Variants in CCSER1 observed in about 807,000 individuals in gnomAD.
CCSER1 encodes the protein coiled-coil serine rich protein 1.
A neutral mutation model predicts 82.0 loss-of-function variants in CCSER1; 41 were observed. That is an observed-to-expected ratio of 0.50 (90% CI 0.39 to 0.65). The LOEUF is 0.65. Ranked by LOEUF, CCSER1 falls within the 30% of genes least tolerant of loss-of-function variation. The pLI, the probability that CCSER1 is intolerant of heterozygous loss-of-function variation, is 0.00. For synonymous variants in CCSER1, 414 were observed against 383.9 expected, an observed-to-expected ratio of 1.08 and a Z score of -0.92; for missense variants, 1,119 against 1,064.2, an observed-to-expected ratio of 1.05 and a Z score of -0.72.
chr4:90,412,169 A>G lies in CCSER1; in HGVS notation c.1603+12040A>G, dbSNP rs184271485. 3.3e-3 allele frequency among the ~76,000 whole-genome samples: 502 copies of G among 152,132 alleles called. 1 individual carries two copies. The highest frequency in any genetic ancestry group is 0.011 in the African/African-American group (473 of 41,504). ...ATGAGTTCATATCCTTTGTAGGGAC[A>G]TGGATGAAGCTGGAAACCATCATTC... On this transcript the variant is annotated intron_variant, in intron 4 of 10. Coordinates refer to ENST00000509176, the MANE Select transcript of CCSER1 (RefSeq NM_001145065.2).
intron 9 of CCSER1, among the ~76,000 whole-genome samples, chr4:91,012,476 A>G (rs1386529416): frequency 1.2e-5 from 1 of 83,734 alleles, no homozygotes; most frequent in Non-Finnish European, 3.1e-5. Context: ...TGCAATTTCA[A>G]CTCAGTCCTG....
intron 5 of CCSER1, among the ~76,000 whole-genome samples, chr4:90,561,698 A>G (rs1181023069): frequency 6.6e-6 from 1 of 152,206 alleles, no homozygotes; most frequent in Non-Finnish European, 1.5e-5. Flanking sequence ...TAGTGTAACC[A>G]TTAAAATAAG....
chr4:90,664,638 C>T (rs1191083711), intron 6 of CCSER1, among the ~76,000 whole-genome samples: 1 of 152,130 alleles, frequency 6.6e-6, no homozygotes, highest in African/African-American at 2.4e-5. Flanking sequence ...CGGTAGCTCA[C>T]GCCTGTAATC....
chr4:90,751,000 C>A (rs1481795106), intron 7 of CCSER1, among the ~76,000 whole-genome samples: 9 of 151,948 alleles, frequency 5.9e-5, no homozygotes, highest in Admixed American at 5.3e-4. Flanking sequence ...CTATATTATG[C>A]TGAAAATAAC....
intron 10 of CCSER1, among the ~76,000 whole-genome samples, chr4:91,493,329 T>G (rs1282442901): frequency 1.3e-5 from 2 of 151,878 alleles, no homozygotes; most frequent in African/African-American, 4.8e-5. Context: ...GGTAGATAAT[T>G]AAATCTAAAA....
intron 5 of CCSER1, among the ~76,000 whole-genome samples, chr4:90,607,595 G>A (rs1219806219): frequency 6.6e-6 from 1 of 152,068 alleles, no homozygotes; most frequent in Non-Finnish European, 1.5e-5. Context: ...CCTGTGTTTT[G>A]TGTTTATCCA....
chr4:90,682,117 C>A (rs1733993054), intron 6 of CCSER1, among the ~76,000 whole-genome samples: 1 of 151,656 alleles, frequency 6.6e-6, no homozygotes. Flanking sequence ...TAAATTATGT[C>A]TTTACTCTGA....
At chr4:91,280,443 G>A (rs1409444684) in intron 10 of CCSER1, among the ~76,000 whole-genome samples, 4 of 152,140 alleles carry the variant, frequency 2.6e-5, no homozygotes, top group African/African-American at 7.2e-5. Context: ...GCACATACAG[G>A]TGGGTGCCAG....
chr4:90,543,832 T>C (rs56013711), intron 5 of CCSER1, among the ~76,000 whole-genome samples: 24,257 of 152,068 alleles, frequency 0.16, 2,501 homozygotes, highest in East Asian at 0.43. Flanking sequence ...TAAATATTTT[T>C]GAAGACATGG....
In CCSER1 at chr4:90,789,649, A is replaced by G. The variant is rs963839132; in HGVS notation, c.2011-26113A>G. 2.0e-5 allele frequency among the ~76,000 whole-genome samples: 3 copies of G among 152,268 alleles called. No individual in the cohort carries two copies. The East Asian group carries it at 5.8e-4, about 29-fold the overall frequency. On this transcript the variant is annotated intron_variant, in intron 7 of 10. Coordinates refer to ENST00000509176, the MANE Select transcript of CCSER1 (RefSeq NM_001145065.2). ...CTGTGCTGTTCTTGTAATAGTGAAT[A>G]AGTCTCATGAAATCTGACAGTTTTA... is the stretch of plus-strand genomic sequence containing the variant.
At chr4:91,162,788 AT>A (rs1393078521) in intron 10 of CCSER1, among the ~76,000 whole-genome samples, 1 of 151,992 alleles carries the variant, frequency 6.6e-6, no homozygotes, top group Non-Finnish European at 1.5e-5. Flanking sequence ...CCCCTTTATC[AT>A]TTTTTATTGT....
intron 9 of CCSER1, among the ~76,000 whole-genome samples, chr4:90,985,015 T>C (rs1410068982): frequency 1.3e-5 from 2 of 151,744 alleles, no homozygotes; most frequent in Non-Finnish European, 2.9e-5. Flanking sequence ...GAAGGCAGAA[T>C]AATTGCCTGA....
chr4:90,577,392 T>C (rs964367338), intron 5 of CCSER1, among the ~76,000 whole-genome samples: 2 of 152,128 alleles, frequency 1.3e-5, no homozygotes, highest in Non-Finnish European at 2.9e-5. Context: ...ACTGATTACC[T>C]AAGAATTTGT....
chr4:91,193,217 T>C (rs1735146934), intron 10 of CCSER1, among the ~76,000 whole-genome samples: 1 of 152,208 alleles, frequency 6.6e-6, no homozygotes, highest in African/African-American at 2.4e-5. Context: ...TATGCCTCTT[T>C]TCCTTGCTGC....
At chr4:90,289,044 C>G (rs867657526) in intron 1 of CCSER1, among the ~76,000 whole-genome samples, 1 of 151,934 alleles carries the variant, frequency 6.6e-6, no homozygotes, top group African/African-American at 2.4e-5. Flanking sequence ...CCTCCTCTCT[C>G]CCTTTGGATT....
intron 10 of CCSER1, among the ~76,000 whole-genome samples, chr4:91,204,848 T>C (rs1311473227): frequency 1.3e-5 from 2 of 151,758 alleles, no homozygotes; most frequent in African/African-American, 4.8e-5. Flanking sequence ...AAGAAAAATA[T>C]TGAAATTACA....
intron 1 of CCSER1, among the ~76,000 whole-genome samples, chr4:90,297,735 G>T (rs914030532): frequency 4.6e-5 from 7 of 152,038 alleles, no homozygotes; most frequent in Admixed American, 3.9e-4. Context: ...GGCCTTTTCT[G>T]CATCTATTGA....
intron 8 of CCSER1, among the ~76,000 whole-genome samples, chr4:90,913,967 AT>A (rs1286556286): frequency 6.6e-6 from 1 of 152,238 alleles, no homozygotes. Context: ...GCATGCACCC[AT>A]TACAGGAGCA....
At chr4:91,121,535 A>G (rs963878115) in intron 10 of CCSER1, among the ~76,000 whole-genome samples, 2 of 151,676 alleles carry the variant, frequency 1.3e-5, no homozygotes, top group Non-Finnish European at 3.0e-5. Flanking sequence ...CCCAATGTAA[A>G]TAAAGTGAAA....
Sources: gnomAD v4.1 joint callset for allele counts (sites outside exome capture counted in the v4.1 genomes callset) on GRCh38, gnomAD v4.1.1 for gene constraint, MANE v1.5 for transcripts, NCBI Gene and HGNC (gene_info 2026-07-23, HGNC 2026-07-21) for gene names.